The following PTPRG variants were observed in gnomAD, a reference collection of about 807,000 sequenced individuals.
PTPRG encodes protein tyrosine phosphatase receptor type G.
PTPRG carries 102 observed loss-of-function variants against 165.3 expected under a neutral mutation model. That is an observed-to-expected ratio of 0.62 (90% confidence interval 0.53 to 0.73). The LOEUF (loss-of-function observed/expected upper bound fraction) is 0.73, where lower values mean the gene tolerates loss of function less well. Ranked by LOEUF, PTPRG falls within the 30% of genes least tolerant of loss-of-function variation. The pLI, the probability that PTPRG is intolerant of heterozygous loss-of-function variation, is 0.00. For missense variants in PTPRG, 1,866 were observed against 1,861.4 expected (o/e 1.00, Z -0.05); for synonymous variants, 675 against 669.5 (o/e 1.01, Z -0.13).
intron 1 of PTPRG, among the ~76,000 whole-genome samples, chr3:61,604,445 C>T (rs1451875036): frequency 6.6e-6 from 1 of 152,176 alleles, no homozygotes; most frequent in African/African-American, 2.4e-5. Flanking sequence ...TGACATCTGG[C>T]CTGTAGGAGC....
At chr3:61,738,799 A>G (rs968299485) in intron 1 of PTPRG, among the ~76,000 whole-genome samples, 17 of 147,446 alleles carry the variant, frequency 1.2e-4, no homozygotes, top group African/African-American at 4.3e-4. Context: ...TTTTGAGACA[A>G]GGTCTTGCCC....
chr3:62,280,053 A>C (rs1363801297), intron 26 of PTPRG, among the ~76,000 whole-genome samples: 1 of 152,076 alleles, frequency 6.6e-6, no homozygotes, highest in Non-Finnish European at 1.5e-5. Context: ...TTCAAGGACC[A>C]AGCCTGCATA....
At chr3:61,788,268 T>C (rs1458499170) in intron 2 of PTPRG, among the ~76,000 whole-genome samples, 1 of 152,206 alleles carries the variant, frequency 6.6e-6, no homozygotes, top group East Asian at 1.9e-4. Context: ...AGATGTATAA[T>C]AAATATGTTT....
intron 1 of PTPRG, among the ~76,000 whole-genome samples, chr3:61,567,137 G>A (rs545341820): frequency 1.3e-5 from 2 of 152,200 alleles, no homozygotes; most frequent in East Asian, 1.9e-4. Flanking sequence ...AACTGTTTTC[G>A]GCTGTATCCT....
chr3:62,281,689 T>G lies in PTPRG; in HGVS notation c.3892T>G (p.Phe1298Val), dbSNP rs756616317. Residue 1298 changes from phenylalanine (F) to valine (V), a missense_variant, in exon 27 of 30, where the codon TTT (phenylalanine) becomes GTT (valine). By Grantham distance (50) the Phe-to-Val change is conservative. Around this residue, in one of 3 missense-constraint regions of PTPRG, gnomAD observed 1,452 missense variants for 1,463.0 expected, o/e 0.99. Transcript: ENST00000474889. ...SNEEQIIIHD[F>V]ILEATQDDYV... ...TGAAGAACAAATTATCATCCATGAC[T>G]TTATCCTTGAAGCTACACAGGTAAC... 6.2e-7 allele frequency: 1 copy of G among 1,611,784 alleles called. No homozygotes were observed. Among genetic ancestry groups the G allele is most frequent in the South Asian group, 1.1e-5 (1 of 90,908 alleles).
chr3:61,990,578 T>C (rs951189301), intron 3 of PTPRG, among the ~76,000 whole-genome samples: 20 of 152,352 alleles, frequency 1.3e-4, no homozygotes, highest in African/African-American at 4.8e-4. Flanking sequence ...AGAGAATGCC[T>C]TGCTGTGCTC....
intron 4 of PTPRG, among the ~76,000 whole-genome samples, chr3:62,041,664 G>T (rs933843631): frequency 6.6e-6 from 1 of 152,096 alleles, no homozygotes. Flanking sequence ...GGATTCAAGT[G>T]GTGACTAAAA....
At chr3:62,161,111 C>A (rs1251167459) in intron 7 of PTPRG, among the ~76,000 whole-genome samples, 2 of 151,902 alleles carry the variant, frequency 1.3e-5, no homozygotes, top group African/African-American at 2.4e-5. Context: ...GATGATAATA[C>A]TCCCCTCATG....
At chr3:62,175,893 C>T (rs1163864805) in intron 8 of PTPRG, among the ~76,000 whole-genome samples, 3 of 151,904 alleles carry the variant, frequency 2.0e-5, no homozygotes, top group Admixed American at 1.3e-4. Context: ...CAACCTAGAG[C>T]GAGGTAAACA....
At chr3:61,622,438 T>A (rs1380260760) in intron 1 of PTPRG, among the ~76,000 whole-genome samples, 1 of 150,800 alleles carries the variant, frequency 6.6e-6, no homozygotes, top group African/African-American at 2.4e-5. Flanking sequence ...GGATGATAAT[T>A]TTTTTTTTTG....
At chr3:61,785,087 T>C (rs2034654678) in intron 2 of PTPRG, among the ~76,000 whole-genome samples, 1 of 152,202 alleles carries the variant, frequency 6.6e-6, no homozygotes, top group Non-Finnish European at 1.5e-5. Flanking sequence ...CATGCAGAAA[T>C]GCTACAGAAA....
At chr3:61,951,409 A>G (rs570410499) in intron 2 of PTPRG, among the ~76,000 whole-genome samples, 1 of 152,322 alleles carries the variant, frequency 6.6e-6, no homozygotes, top group South Asian at 2.1e-4. Context: ...CCTCTGGTAG[A>G]CTATACTTTG....
At chr3:62,243,052 G>T (rs1231005611) in intron 14 of PTPRG, among the ~76,000 whole-genome samples, 1 of 152,070 alleles carries the variant, frequency 6.6e-6, no homozygotes, top group Non-Finnish European at 1.5e-5. Flanking sequence ...GCTCATTAGG[G>T]CCGCAATGAG....
rs567181718 is a variant in PTPRG at position 62,071,552 on chromosome 3, C to G, written c.520-6611C>G. Among the ~76,000 whole-genome samples, 4 of 152,264 alleles carry G rather than the reference C, an allele frequency of 2.6e-5. No individual in the cohort carries two copies. The South Asian group carries it at 6.2e-4, about 24-fold the overall frequency. On this transcript the variant is annotated intron_variant, in intron 4 of 29. Transcript: ENST00000474889. ...TTTATTTCGTGATACACTCAGTCAG[C>G]TTTGGCACTCAAAAATAAAGTTAAC...
intron 4 of PTPRG, 47 bp downstream of exon 4, chr3:62,003,544 A>C (rs761605085): frequency 1.2e-6 from 2 of 1,603,426 alleles, no homozygotes; most frequent in African/African-American, 1.3e-5. Flanking sequence ...TTCGGTCTTT[A>C]TGTTAATCAG....
rs868456918 is a variant in PTPRG at position 61,562,339 on chromosome 3, A to G, written c.52A>G (p.Ser18Gly). ...CWWILFLKIT[S>G]SVLHYVVCFP... Reference sequence around the variant, plus strand: ...GTGGATTTTGTTCCTGAAAATCACCAGTTCCGTGCTCCATTATGTCGTGTG... The same window carrying G: ...GTGGATTTTGTTCCTGAAAATCACCGGTTCCGTGCTCCATTATGTCGTGTG... Residue 18 changes from serine (S) to glycine (G), a missense_variant, in exon 1 of 30, where the codon AGT becomes GGT. Physicochemically the swap from Ser to Gly is moderately conservative, Grantham distance 56 (BLOSUM62 0). Around this residue, in one of 3 missense-constraint regions of PTPRG, gnomAD observed 408 missense variants for 376.2 expected, o/e 1.08. Coordinates refer to ENST00000474889, the MANE Select transcript of PTPRG (RefSeq NM_002841.4). 9 of 1,613,702 alleles carry G rather than the reference A, an allele frequency of 5.6e-6. No individual in the cohort carries two copies. The highest frequency in any genetic ancestry group is 7.6e-6 in the Non-Finnish European group (9 of 1,179,700).
intron 6 of PTPRG, among the ~76,000 whole-genome samples, chr3:62,139,823 T>G (rs1184398492): frequency 6.6e-6 from 1 of 152,138 alleles, no homozygotes; most frequent in Non-Finnish European, 1.5e-5. Context: ...CCTCACCAAA[T>G]CTATGGACAA....
intron 2 of PTPRG, among the ~76,000 whole-genome samples, chr3:61,781,457 T>C (rs556917880): frequency 6.6e-6 from 1 of 152,314 alleles, no homozygotes; most frequent in East Asian, 1.9e-4. Flanking sequence ...GAATACTCTG[T>C]TTTGTGTGGA....
chr3:62,084,136 G>T (rs1187304137), intron 5 of PTPRG, among the ~76,000 whole-genome samples: 1 of 152,126 alleles, frequency 6.6e-6, no homozygotes, highest in Non-Finnish European at 1.5e-5. Flanking sequence ...GGTCAGTTCT[G>T]AATCTTTGCA....
Sources: gnomAD v4.1 joint callset for allele counts (sites outside exome capture counted in the v4.1 genomes callset) on GRCh38, gnomAD v4.1.1 for gene constraint, gnomAD v4.1.1 regional missense constraint, MANE v1.5 for transcripts, NCBI Gene and HGNC (gene_info 2026-07-23, HGNC 2026-07-21) for gene names.